The following ZPBP variants were observed in gnomAD, a reference collection of about 807,000 sequenced individuals.
ZPBP encodes zona pellucida-binding protein 1.
ZPBP carries 26 observed loss-of-function variants against 44.8 expected under a neutral mutation model. The ratio of observed to expected loss-of-function variants is 0.58; its 90% CI spans 0.43 to 0.81. The LOEUF is 0.81. Among genes scored for constraint, ZPBP ranks in the 30% least tolerant of loss-of-function variants. ZPBP has a pLI of 0.00. For synonymous variants in ZPBP, 174 were observed against 153.2 expected (o/e 1.14, Z -1.00); for missense variants, 409 against 434.0 (o/e 0.94, Z 0.51).
At chr7:49,899,122 C>G (rs796457282) in intron 2 of ZPBP, among the ~76,000 whole-genome samples, 7 of 152,090 alleles carry the variant, frequency 4.6e-5, no homozygotes, top group African/African-American at 1.7e-4. Context: ...GACTATCCCC[C>G]CTTATCCACA....
At chr7:50,021,014 T>C (rs959678) in intron 5 of ZPBP, among the ~76,000 whole-genome samples, 120,617 of 151,984 alleles carry the variant, frequency 0.79, 47,988 homozygotes, top group East Asian at 0.87. Context: ...CAACTACAAC[T>C]CATACAAGCA....
At chr7:49,974,689 G>A (rs1583950208) in intron 7 of ZPBP, among the ~76,000 whole-genome samples, 1 of 152,012 alleles carries the variant, frequency 6.6e-6, no homozygotes, top group African/African-American at 2.4e-5. Context: ...ATTGTCACAT[G>A]CAGGAATTAT....
chr7:49,957,420 G>C (rs1270570816), intron 7 of ZPBP, among the ~76,000 whole-genome samples: 1 of 152,128 alleles, frequency 6.6e-6, no homozygotes, highest in African/African-American at 2.4e-5. Flanking sequence ...AGGCCTAGTG[G>C]GCCCTCAGGA....
chr7:49,940,382 A>C (rs1794822037), intron 7 of ZPBP, among the ~76,000 whole-genome samples: 2 of 152,162 alleles, frequency 1.3e-5, no homozygotes, highest in Admixed American at 1.3e-4. Context: ...AACTAATTTA[A>C]AAGTAGGCAC....
At chr7:49,975,912 C>A (rs1796492601) in intron 7 of ZPBP, among the ~76,000 whole-genome samples, 1 of 152,144 alleles carries the variant, frequency 6.6e-6, no homozygotes, top group South Asian at 2.1e-4. Flanking sequence ...TGTCCCCTTT[C>A]CAACTTGGCT....
intron 4 of ZPBP, among the ~76,000 whole-genome samples, chr7:50,053,443 G>C (rs949825833): frequency 1.3e-5 from 2 of 152,186 alleles, no homozygotes; most frequent in Non-Finnish European, 2.9e-5. Flanking sequence ...CAATGAAGCA[G>C]AACAGTTCTA....
chr7:49,846,026 C>T (rs1181736357), downstream of ZPBP, among the ~76,000 whole-genome samples: 1 of 152,216 alleles, frequency 6.6e-6, no homozygotes, highest in Non-Finnish European at 1.5e-5. Context: ...TGGAAGTTAT[C>T]CATGTTGTCC....
intron 2 of ZPBP, among the ~76,000 whole-genome samples, chr7:49,899,785 G>C (rs771033027): frequency 6.1e-4 from 93 of 151,986 alleles, no homozygotes; most frequent in Non-Finnish European, 3.8e-4. Flanking sequence ...AAATCAGTAA[G>C]GACATAGTTG....
intron 1 of ZPBP, among the ~76,000 whole-genome samples, chr7:49,902,731 T>C (rs987926396): frequency 1.6e-4 from 24 of 151,974 alleles, no homozygotes; most frequent in Admixed American, 1.4e-3. Flanking sequence ...AAAAGCAGGA[T>C]CCATAAGATA....
intron 2 of ZPBP, among the ~76,000 whole-genome samples, chr7:49,865,939 A>G (rs1399824945): frequency 6.6e-6 from 1 of 152,240 alleles, no homozygotes. Flanking sequence ...CCAGTTGAGA[A>G]AGTCTACTCG....
intron 5 of ZPBP, among the ~76,000 whole-genome samples, chr7:50,030,661 A>G (rs1037844725): frequency 6.6e-6 from 1 of 152,120 alleles, no homozygotes; most frequent in African/African-American, 2.4e-5. Flanking sequence ...AGATAAATAT[A>G]AAGATATAAA....
chr7:49,888,650 G>A (rs766401623), intron 2 of ZPBP, among the ~76,000 whole-genome samples: 16 of 152,070 alleles, frequency 1.1e-4, no homozygotes, highest in South Asian at 4.2e-4. Flanking sequence ...GTGGCTCACC[G>A]CTGTAATCCC....
At chr7:50,090,604 CGT>C (rs1463337207) in intron 1 of ZPBP, among the ~76,000 whole-genome samples, 15 of 62,156 alleles carry the variant, frequency 2.4e-4, no homozygotes, top group South Asian at 1.3e-3. Context: ...CGTATATATG[CGT>C]ATATATGTGT....
intron 2 of ZPBP, among the ~76,000 whole-genome samples, chr7:50,084,552 C>G (rs1224748387): frequency 6.6e-6 from 1 of 151,782 alleles, no homozygotes; most frequent in South Asian, 2.1e-4. Flanking sequence ...AAGTGGCCAA[C>G]ACAGACAGAT....
chr7:49,920,582 G>A (rs1437063765), intron 1 of ZPBP: 1 of 152,220 alleles, frequency 6.6e-6, no homozygotes, highest in Admixed American at 6.5e-5. Context: ...GGAACAGAGA[G>A]AGACTCTGCT....
At chr7:49,844,130 C>A in the ZPBP span, among the ~76,000 whole-genome samples, 1 of 152,150 alleles carries the variant, frequency 6.6e-6, no homozygotes, top group Non-Finnish European at 1.5e-5. Context: ...GATGTTTCAC[C>A]TAAGGTGTGT....
intron 2 of ZPBP, among the ~76,000 whole-genome samples, chr7:49,878,796 C>G (rs572130917): frequency 6.6e-6 from 1 of 152,216 alleles, no homozygotes; most frequent in East Asian, 1.9e-4. Flanking sequence ...GGCAACCATG[C>G]CTGCTTTTGT....
At chr7:49,856,241 C>G (rs191937716) in intron 2 of ZPBP, among the ~76,000 whole-genome samples, 8 of 152,284 alleles carry the variant, frequency 5.3e-5, no homozygotes, top group African/African-American at 9.6e-5. Context: ...AGGGTGGATT[C>G]TGCATGAATG....
downstream of ZPBP, among the ~76,000 whole-genome samples, chr7:49,848,392 T>C (rs544413496): frequency 1.3e-5 from 2 of 152,302 alleles, no homozygotes; most frequent in East Asian, 1.9e-4. Flanking sequence ...CGCCCTGCAG[T>C]GTGTGAGAGC....
Sources: allele counts gnomAD v4.1 joint callset (sites outside exome capture counted in the v4.1 genomes callset), GRCh38; gene constraint gnomAD v4.1.1; transcripts MANE v1.5; gene names NCBI Gene and HGNC (gene_info 2026-07-23, HGNC 2026-07-21).